The following CSMD1 variants were observed in gnomAD, a reference collection of about 807,000 sequenced individuals.
CSMD1 encodes the protein CUB and sushi domain-containing protein 1.
A neutral mutation model predicts 417.5 loss-of-function variants in CSMD1; 213 were observed. That is an observed-to-expected ratio of 0.51 (90% CI 0.46 to 0.57). The LOEUF (loss-of-function observed/expected upper bound fraction) is 0.57. Among genes scored for constraint, CSMD1 ranks in the 20% least tolerant of loss-of-function variants. CSMD1 has a pLI of 0.00. For synonymous variants in CSMD1, 2,862 were observed against 1,736.8 expected (o/e 1.65, Z -16.11); for missense variants, 6,923 against 4,529.7 (o/e 1.53, Z -15.17).
intron 3 of CSMD1, among the ~76,000 whole-genome samples, chr8:4,064,958 A>G (rs1012592561): frequency 3.9e-5 from 6 of 152,124 alleles, no homozygotes; most frequent in Non-Finnish European, 8.8e-5. Context: ...TCTAGATTTA[A>G]CGCTGTGCAT....
chr8:4,073,292 T>A (rs540441412), intron 3 of CSMD1, among the ~76,000 whole-genome samples: 2 of 151,904 alleles, frequency 1.3e-5, no homozygotes, highest in East Asian at 1.9e-4. Flanking sequence ...AAGAAGAGAG[T>A]AAAGAAATTT....
intron 1 of CSMD1, among the ~76,000 whole-genome samples, chr8:4,677,056 T>C (rs1340986318): frequency 6.8e-6 from 1 of 146,782 alleles, no homozygotes; most frequent in South Asian, 2.1e-4. Context: ...ATATATAGAA[T>C]TATATATAGA....
chr8:3,277,188 T>G (rs1182775325), intron 26 of CSMD1, among the ~76,000 whole-genome samples: 3 of 152,050 alleles, frequency 2.0e-5, no homozygotes, highest in Non-Finnish European at 4.4e-5. Context: ...TGTTGAAAAT[T>G]GCTTAGGGGA....
chr8:3,758,827 G>T (rs950674913), intron 5 of CSMD1, among the ~76,000 whole-genome samples: 3 of 152,132 alleles, frequency 2.0e-5, no homozygotes, highest in Non-Finnish European at 4.4e-5. Context: ...ACTGAGCTTG[G>T]GATGGGGAGA....
intron 10 of CSMD1, among the ~76,000 whole-genome samples, chr8:3,547,323 T>A (rs1798709617): frequency 6.6e-6 from 1 of 152,220 alleles, no homozygotes; most frequent in Non-Finnish European, 1.5e-5. Flanking sequence ...TATTTCAGTT[T>A]CTAAGTGAGA....
At chr8:3,282,900 G>T (rs1336247965) in intron 26 of CSMD1, among the ~76,000 whole-genome samples, 1 of 152,164 alleles carries the variant, frequency 6.6e-6, no homozygotes, top group Non-Finnish European at 1.5e-5. Context: ...GAATGTGTTT[G>T]TGTGCAAATT....
intron 3 of CSMD1, among the ~76,000 whole-genome samples, chr8:4,299,613 T>C (rs772852062): frequency 3.3e-5 from 5 of 152,170 alleles, no homozygotes; most frequent in Non-Finnish European, 7.3e-5. Flanking sequence ...TATTTTTGTA[T>C]CATATCATAT....
chr8:3,313,739 A>G (rs1159975744), intron 23 of CSMD1, among the ~76,000 whole-genome samples: 4 of 152,196 alleles, frequency 2.6e-5, no homozygotes, highest in Non-Finnish European at 5.9e-5. Context: ...AGAACTAGAA[A>G]TACCATTTGA....
In CSMD1 at chr8:4,226,107, C is replaced by T. The variant is rs1047163540; in HGVS notation, c.415+193846G>A. On this transcript the variant is annotated intron_variant, in intron 3 of 69. Transcript: ENST00000635120. The stretch of plus-strand genomic sequence containing the variant: ...ACACACACACACACACACACACACA[C>T]GCCAACACACATACACACTTGCTAG... Among the ~76,000 whole-genome samples the T allele has an allele frequency of 1.2e-3, 173 of 149,876 alleles. 1 individual carries two copies. The highest frequency in any genetic ancestry group is 1.2e-3 in the Non-Finnish European group (81 of 67,390).
chr8:4,289,056 G>A lies in CSMD1; in HGVS notation c.415+130897C>T, dbSNP rs17335078. 2.4e-3 allele frequency among the ~76,000 whole-genome samples: 358 copies of A among 152,164 alleles called. 2 individuals are homozygous for A. Among genetic ancestry groups the A allele is most frequent in the African/African-American group, 8.3e-3 (344 of 41,516 alleles). On this transcript the variant is annotated intron_variant, in intron 3 of 69. Coordinates refer to ENST00000635120, the MANE Select transcript of CSMD1 (RefSeq NM_033225.6). ...GACTGTCATAATGAGCATAAAAACAGTGCACATATGGATGAAAATAAAATT... is the reference window on the plus strand; with the variant it reads ...GACTGTCATAATGAGCATAAAAACAATGCACATATGGATGAAAATAAAATT...
intron 3 of CSMD1, among the ~76,000 whole-genome samples, chr8:4,210,359 T>C (rs1344978843): frequency 6.6e-6 from 1 of 152,246 alleles, no homozygotes; most frequent in Non-Finnish European, 1.5e-5. Flanking sequence ...GATACCAACT[T>C]TGAGACATTC....
intron 1 of CSMD1, among the ~76,000 whole-genome samples, chr8:4,710,944 C>T (rs886076719): frequency 6.6e-6 from 1 of 152,026 alleles, no homozygotes; most frequent in African/African-American, 2.4e-5. Context: ...GGACCATGCC[C>T]TATCCTGAGA....
chr8:3,530,724 T>G (rs902419741), intron 10 of CSMD1, among the ~76,000 whole-genome samples: 1 of 152,126 alleles, frequency 6.6e-6, no homozygotes. Flanking sequence ...AGAGACAGTT[T>G]CACCATGTTG....
intron 5 of CSMD1, among the ~76,000 whole-genome samples, chr8:3,823,000 G>A (rs527443073): frequency 1.9e-4 from 29 of 152,182 alleles, no homozygotes; most frequent in East Asian, 9.7e-4. Flanking sequence ...CTTTGGTTAC[G>A]AAGGCTGAGT....
At chr8:4,130,935 A>G (rs902646142) in intron 3 of CSMD1, among the ~76,000 whole-genome samples, 1 of 152,112 alleles carries the variant, frequency 6.6e-6, no homozygotes, top group Non-Finnish European at 1.5e-5. Flanking sequence ...AGGCTTTCTG[A>G]ATATCATATC....
intron 1 of CSMD1, among the ~76,000 whole-genome samples, chr8:4,903,868 T>C (rs1438261): frequency 0.65 from 98,706 of 152,080 alleles, 34,189 homozygotes; most frequent in Admixed American, 0.77. Context: ...CCACATCAGC[T>C]GCATGGATGC....
intron 5 of CSMD1, among the ~76,000 whole-genome samples, chr8:3,855,066 T>A (rs1804199766): frequency 6.6e-6 from 1 of 152,024 alleles, no homozygotes; most frequent in Non-Finnish European, 1.5e-5. Context: ...GAAATGAGAA[T>A]ACCCCAAAAT....
rs149174104 is a variant in CSMD1, at chr8:3,103,624, C to G, written c.6949+2904G>C. ...GACCACATTTATCTACACGGTCTGT[C>G]ACGGTTCAAAACGTCATGCAGTGCG... is the stretch of plus-strand genomic sequence containing the variant. On this transcript the variant is annotated intron_variant, in intron 46 of 69. Transcript: ENST00000635120. 2.9e-3 allele frequency among the ~76,000 whole-genome samples: 446 copies of G among 152,234 alleles called. 4 individuals carry two copies. The highest frequency in any genetic ancestry group is 9.9e-3 in the African/African-American group (412 of 41,538).
chr8:3,572,002 CATTT>C (rs1799964811), intron 10 of CSMD1, among the ~76,000 whole-genome samples: 1 of 152,132 alleles, frequency 6.6e-6, no homozygotes, highest in Non-Finnish European at 1.5e-5. Flanking sequence ...GTAGCCCATT[CATTT>C]GACTTCAAAA....
Sources: gnomAD v4.1 joint callset for allele counts (sites outside exome capture counted in the v4.1 genomes callset) on GRCh38, gnomAD v4.1.1 for gene constraint, MANE v1.5 for transcripts, NCBI Gene and HGNC (gene_info 2026-07-23, HGNC 2026-07-21) for gene names.